Variants in DRC11 observed in about 807,000 individuals in gnomAD.
The protein encoded by DRC11 is IQ and AAA domain-containing protein 1.
chr2:236,373,000 C>T, the DRC11 span, among the ~76,000 whole-genome samples: 12 of 151,992 alleles, frequency 7.9e-5, no homozygotes, highest in East Asian at 1.3e-3. The surrounding 1 kb of genome is among the most constrained non-coding windows in gnomAD (Gnocchi z 4.5). Flanking sequence ...CTTTGTCTGT[C>T]GTCAATATTT....
the DRC11 span, among the ~76,000 whole-genome samples, chr2:236,440,614 C>T: frequency 1.3e-5 from 2 of 152,144 alleles, no homozygotes; most frequent in African/African-American, 4.8e-5. Context: ...AGGAGCTAAG[C>T]AGAAAGGCAC....
the DRC11 span, among the ~76,000 whole-genome samples, chr2:236,400,739 C>G: frequency 6.6e-6 from 1 of 152,160 alleles, no homozygotes. This position sits in a 1 kb window ranked among gnomAD's most constrained non-coding sequence, Gnocchi z 7.9. Flanking sequence ...TGGGCTCTTC[C>G]GTTTCTGGGC....
chr2:236,502,579 A>AAAAAC, the DRC11 span, among the ~76,000 whole-genome samples: 1 of 144,912 alleles, frequency 6.9e-6, no homozygotes, highest in Non-Finnish European at 1.5e-5. Context: ...AAAAAAAAAA[A>AAAAAC]ATACAGCAAA....
the DRC11 span, among the ~76,000 whole-genome samples, chr2:236,320,934 G>A: frequency 3.3e-5 from 5 of 151,742 alleles, no homozygotes; most frequent in Admixed American, 6.6e-5. Context: ...AGGGCATGGC[G>A]GCCTCACCTT....
the DRC11 span, among the ~76,000 whole-genome samples, chr2:236,491,130 TATATATATAC>T: frequency 8.6e-6 from 1 of 115,642 alleles, no homozygotes; most frequent in Non-Finnish European, 1.7e-5. Flanking sequence ...TGTGTATATA[TATATATATAC>T]AGTATATATA....
At chr2:236,446,809 G>A in the DRC11 span, among the ~76,000 whole-genome samples, 3 of 152,150 alleles carry the variant, frequency 2.0e-5, no homozygotes, top group Non-Finnish European at 4.4e-5. The surrounding 1 kb of genome is among the most constrained non-coding windows in gnomAD (Gnocchi z 6.2). Context: ...GGCACTGTCT[G>A]CCCATGTGTC....
the DRC11 span, chr2:236,493,751 T>C: frequency 3.8e-6 from 6 of 1,566,088 alleles, no homozygotes; most frequent in South Asian, 6.0e-5. Flanking sequence ...TAATGTTTGT[T>C]AAAATGATAT....
the DRC11 span, among the ~76,000 whole-genome samples, chr2:236,382,101 A>G: frequency 6.6e-6 from 1 of 152,174 alleles, no homozygotes; most frequent in Admixed American, 6.5e-5. Context: ...TCTGTGACCC[A>G]TTTTGAATTA....
At chr2:236,467,552 T>C in the DRC11 span, among the ~76,000 whole-genome samples, 3 of 152,220 alleles carry the variant, frequency 2.0e-5, no homozygotes, top group Admixed American at 6.5e-5. Context: ...ACTTGTGCCT[T>C]CCTTATTTTT....
chr2:236,350,886 T>C, the DRC11 span, among the ~76,000 whole-genome samples: 2 of 152,076 alleles, frequency 1.3e-5, no homozygotes, highest in Admixed American at 6.5e-5. The surrounding 1 kb of genome is among the most constrained non-coding windows in gnomAD (Gnocchi z 5.2). Flanking sequence ...CTGGTGACCA[T>C]GTTCAGGTCT....
the DRC11 span, among the ~76,000 whole-genome samples, chr2:236,478,934 C>G: frequency 4.6e-5 from 7 of 151,702 alleles, no homozygotes; most frequent in African/African-American, 1.2e-4. The surrounding 1 kb of genome is among the most constrained non-coding windows in gnomAD (Gnocchi z 5.9). Flanking sequence ...AAGCGAGTGT[C>G]CTGCCTCAGC....
chr2:236,421,719 C>T, the DRC11 span, among the ~76,000 whole-genome samples: 246 of 152,276 alleles, frequency 1.6e-3, 1 homozygote, highest in Middle Eastern at 0.017. Flanking sequence ...ATGAGGCCAG[C>T]GTTATCTTGA....
chr2:236,337,041 G>A, the DRC11 span, among the ~76,000 whole-genome samples: 3 of 152,180 alleles, frequency 2.0e-5, no homozygotes, highest in Non-Finnish European at 4.4e-5. The surrounding 1 kb of genome is among the most constrained non-coding windows in gnomAD (Gnocchi z 4.9). Context: ...GAGGCCAGGT[G>A]CAGCCTGTCC....
At chr2:236,370,463 C>T in the DRC11 span, among the ~76,000 whole-genome samples, 104 of 152,130 alleles carry the variant, frequency 6.8e-4, no homozygotes, top group Non-Finnish European at 6.9e-4. The surrounding 1 kb of genome is among the most constrained non-coding windows in gnomAD (Gnocchi z 5.5). Flanking sequence ...GAGGAGAGAC[C>T]GGTCAGTGGT....
the DRC11 span, among the ~76,000 whole-genome samples, chr2:236,423,703 A>G: frequency 6.6e-6 from 1 of 152,202 alleles, no homozygotes; most frequent in African/African-American, 2.4e-5. Context: ...ATTACTGGGT[A>G]TATACCCAAA....
At chr2:236,388,145 G>A in the DRC11 span, among the ~76,000 whole-genome samples, 1 of 152,044 alleles carries the variant, frequency 6.6e-6, no homozygotes, top group Non-Finnish European at 1.5e-5. Context: ...GTGTCTTGGA[G>A]TTGCTCTTCT....
the DRC11 span, among the ~76,000 whole-genome samples, chr2:236,388,699 T>C: frequency 6.6e-6 from 1 of 150,898 alleles, no homozygotes; most frequent in Non-Finnish European, 1.5e-5. Context: ...GTTCCATTGC[T>C]GGTGAGGAAC....
At chr2:236,389,320 T>A in the DRC11 span, among the ~76,000 whole-genome samples, 15 of 152,334 alleles carry the variant, frequency 9.8e-5, no homozygotes, top group Non-Finnish European at 1.6e-4. Context: ...CGAGACTCCA[T>A]GGGCGTAGGA....
chr2:236,391,242 C>T, the DRC11 span: 1 of 152,370 alleles, frequency 6.6e-6, no homozygotes, highest in East Asian at 1.9e-4. The surrounding 1 kb of genome is among the most constrained non-coding windows in gnomAD (Gnocchi z 4.5). Flanking sequence ...AGACCACATG[C>T]ATGGCCCCTG....
Sources: gnomAD v4.1 joint callset for allele counts (sites outside exome capture counted in the v4.1 genomes callset) on GRCh38, gnomAD v4.1.1 for gene constraint, Gnocchi (gnomAD v3.1) non-coding constraint, MANE v1.5 for transcripts, NCBI Gene and HGNC (gene_info 2026-07-23, HGNC 2026-07-21) for gene names.